The following PPARGC1A variants were observed in gnomAD, a reference collection of about 807,000 sequenced individuals.
PPARGC1A encodes the protein PPARG coactivator 1 alpha, also known as peroxisome proliferator-activated receptor gamma coactivator 1-alpha.
In PPARGC1A, 25 loss-of-function variants were observed where a neutral mutation model predicts 88.7. That is an observed-to-expected ratio of 0.28 (90% CI 0.21 to 0.39). The LOEUF (loss-of-function observed/expected upper bound fraction) is 0.39, where lower values mean the gene tolerates loss of function less well. PPARGC1A is among the 10% of genes least tolerant of loss of function. The pLI is 1.00. For missense variants in PPARGC1A, 880 were observed against 968.7 expected (o/e 0.91, Z 1.22); for synonymous variants, 363 against 355.6 (o/e 1.02, Z -0.24).
chr4:24,259,022 C>G, the PPARGC1A span, among the ~76,000 whole-genome samples: 3 of 152,156 alleles, frequency 2.0e-5, no homozygotes, highest in African/African-American at 7.2e-5. Context: ...GACAACCACT[C>G]TAATCAAAAG....
At chr4:24,039,077 C>T in the PPARGC1A span, among the ~76,000 whole-genome samples, 1 of 152,118 alleles carries the variant, frequency 6.6e-6, no homozygotes, top group South Asian at 2.1e-4. Flanking sequence ...TTCACTTGTC[C>T]AAATATATGG....
chr4:24,136,171 T>C, the PPARGC1A span, among the ~76,000 whole-genome samples: 13 of 152,300 alleles, frequency 8.5e-5, no homozygotes, highest in Admixed American at 2.6e-4. Context: ...GGAGAAGCTG[T>C]ACAGGCACTT....
intron 2 of PPARGC1A, among the ~76,000 whole-genome samples, chr4:23,853,262 A>AG (rs779753112): frequency 7.2e-5 from 11 of 152,142 alleles, no homozygotes; most frequent in Non-Finnish European, 1.5e-4. Context: ...CATCTTTTAA[A>AG]GGGGGAAAAG....
the PPARGC1A span, among the ~76,000 whole-genome samples, chr4:24,367,657 G>T: frequency 2.0e-5 from 3 of 152,126 alleles, no homozygotes; most frequent in Non-Finnish European, 4.4e-5. Context: ...TGCTTGCTTA[G>T]AAATAGAAGT....
chr4:24,255,453 T>A, the PPARGC1A span, among the ~76,000 whole-genome samples: 1 of 152,190 alleles, frequency 6.6e-6, no homozygotes, highest in South Asian at 2.1e-4. Context: ...AAAAAGTGAA[T>A]CAAATTTCTT....
chr4:24,203,816 G>T, the PPARGC1A span, among the ~76,000 whole-genome samples: 2 of 152,208 alleles, frequency 1.3e-5, no homozygotes, highest in Non-Finnish European at 2.9e-5. Context: ...CTTACTTAGC[G>T]TGGTTTAAAT....
At chr4:24,290,069 A>G in the PPARGC1A span, among the ~76,000 whole-genome samples, 1 of 152,146 alleles carries the variant, frequency 6.6e-6, no homozygotes, top group African/African-American at 2.4e-5. Flanking sequence ...CACTATCATG[A>G]GTACAGCACG....
the PPARGC1A span, among the ~76,000 whole-genome samples, chr4:24,332,322 C>T: frequency 2.6e-4 from 40 of 151,976 alleles, no homozygotes; most frequent in African/African-American, 8.2e-4. Flanking sequence ...CTAGGATGAC[C>T]CCAAGAAGAG....
At chr4:24,375,846 C>T in the PPARGC1A span, among the ~76,000 whole-genome samples, 2 of 151,970 alleles carry the variant, frequency 1.3e-5, no homozygotes, top group African/African-American at 4.8e-5. Flanking sequence ...AGAGAGCAAA[C>T]CCAAACTCCT....
At chr4:24,207,997 G>A in the PPARGC1A span, among the ~76,000 whole-genome samples, 1 of 152,142 alleles carries the variant, frequency 6.6e-6, no homozygotes, top group African/African-American at 2.4e-5. Context: ...AGAAGTTTGG[G>A]GCTGGGTGCA....
the PPARGC1A span, among the ~76,000 whole-genome samples, chr4:24,092,569 T>C: frequency 6.6e-6 from 1 of 152,290 alleles, no homozygotes; most frequent in African/African-American, 2.4e-5. Flanking sequence ...CCTGCCTATA[T>C]CACTTAATAC....
chr4:23,828,624 G>A lies in PPARGC1A; in HGVS notation c.553-20C>T, dbSNP rs1724440386. 1.2e-6 allele frequency: 2 copies of A among 1,610,738 alleles called. No homozygotes were observed. Among genetic ancestry groups the A allele is most frequent in the Admixed American group, 1.7e-5 (1 of 59,936 alleles). On this transcript the variant is annotated intron_variant, in intron 4 of 12. Transcript: ENST00000264867. ...CTCAGTCTTAAAAACAAGGCATAAAGAAAGCTAAAATTAGTGAACTGAACC... is the reference window on the plus strand; with the variant it reads ...CTCAGTCTTAAAAACAAGGCATAAAAAAAGCTAAAATTAGTGAACTGAACC...
the PPARGC1A span, among the ~76,000 whole-genome samples, chr4:24,384,048 T>C: frequency 3.3e-4 from 50 of 152,244 alleles, no homozygotes; most frequent in East Asian, 1.9e-4. Flanking sequence ...GCAGAAACCC[T>C]ACAAACCAGA....
the PPARGC1A span, among the ~76,000 whole-genome samples, chr4:23,918,229 C>CT: frequency 1.0e-4 from 14 of 140,332 alleles, no homozygotes; most frequent in African/African-American, 2.5e-4. Context: ...TTTTTTTTTT[C>CT]TTTTTTTTGG....
chr4:24,248,464 A>AAGAC, the PPARGC1A span, among the ~76,000 whole-genome samples: 357 of 152,146 alleles, frequency 2.3e-3, 2 homozygotes, highest in African/African-American at 8.1e-3. Flanking sequence ...AGTTGGAGAT[A>AAGAC]AGACAGCAGA....
the PPARGC1A span, among the ~76,000 whole-genome samples, chr4:24,395,301 T>C: frequency 6.6e-6 from 1 of 152,238 alleles, no homozygotes; most frequent in South Asian, 2.1e-4. Context: ...GTAATACAGT[T>C]AGTAAAATAG....
the PPARGC1A span, among the ~76,000 whole-genome samples, chr4:24,342,512 AC>A: frequency 0.18 from 27,914 of 151,984 alleles, 2,684 homozygotes; most frequent in South Asian, 0.23. Context: ...AAAAATAAGA[AC>A]CCCATTGATT....
At chr4:23,915,147 T>TAA in the PPARGC1A span, among the ~76,000 whole-genome samples, 2 of 152,200 alleles carry the variant, frequency 1.3e-5, no homozygotes, top group Admixed American at 6.5e-5. Flanking sequence ...TTTGGTTTTT[T>TAA]AATGTTTAAA....
the PPARGC1A span, among the ~76,000 whole-genome samples, chr4:24,237,889 C>A: frequency 6.6e-6 from 1 of 152,138 alleles, no homozygotes; most frequent in Non-Finnish European, 1.5e-5. Flanking sequence ...GGACTTGCCA[C>A]CCACTTAGGA....
Sources: gnomAD v4.1 joint callset for allele counts (sites outside exome capture counted in the v4.1 genomes callset) on GRCh38, gnomAD v4.1.1 for gene constraint, MANE v1.5 for transcripts, NCBI Gene and HGNC (gene_info 2026-07-23, HGNC 2026-07-21) for gene names.